The following STAP1 variants were observed in gnomAD, a reference collection of about 807,000 sequenced individuals.
STAP1 encodes signal-transducing adaptor protein 1.
Under a neutral mutation model 37.8 loss-of-function variants are expected in STAP1, and 30 were observed. That is an observed-to-expected ratio of 0.79 (90% CI 0.59 to 1.08). The LOEUF is 1.08. Ranked by LOEUF, STAP1 falls within the 50% of genes least tolerant of loss-of-function variation. The probability of loss-of-function intolerance (pLI) is 0.00; values close to 1 mark genes in which losing one functional copy is unlikely to be tolerated. For missense variants in STAP1, 357 were observed against 349.4 expected, an observed-to-expected ratio of 1.02 and a Z score of -0.17; for synonymous variants, 130 against 116.0, an observed-to-expected ratio of 1.12 and a Z score of -0.78.
chr4:67,567,112 G>T (rs1177750737), intron 1 of STAP1, among the ~76,000 whole-genome samples: 3 of 152,162 alleles, frequency 2.0e-5, no homozygotes, highest in Non-Finnish European at 4.4e-5. Flanking sequence ...AAAAGACTTT[G>T]GATGGGGTTG....
chr4:67,578,559 C>T (rs1377973068), intron 4 of STAP1, among the ~76,000 whole-genome samples: 2 of 152,136 alleles, frequency 1.3e-5, no homozygotes, highest in African/African-American at 4.8e-5. Flanking sequence ...GAATTGCACT[C>T]TTTCCCTCTG....
intron 4 of STAP1, among the ~76,000 whole-genome samples, chr4:67,577,872 C>T (rs1727761578): frequency 6.6e-6 from 1 of 152,098 alleles, no homozygotes; most frequent in South Asian, 2.1e-4. Flanking sequence ...TGGTTTGGAA[C>T]TCCTGGCCTC....
chr4:67,581,667 C>T (rs146056375), intron 5 of STAP1, among the ~76,000 whole-genome samples, 196 bp downstream of exon 5: 4 of 152,220 alleles, frequency 2.6e-5, no homozygotes, highest in Non-Finnish European at 4.4e-5. Flanking sequence ...AACCAACCAT[C>T]TTACCACACA....
At position 67,599,497 on chromosome 4, in the gene STAP1, A is replaced by G. The variant is rs1728293940; in HGVS notation, c.826+6141A>G. ...TCAATTTTCCAATTTATTGGCATAT[A>G]GTTGCTCATAGTAGTCTCTAATTAT... On this transcript the variant is annotated intron_variant, in intron 8 of 8. Transcript: ENST00000265404. 2.6e-5 allele frequency among the ~76,000 whole-genome samples: 4 copies of G among 152,264 alleles called. No individual in the cohort carries two copies. The South Asian group carries it at 8.3e-4, about 32-fold the overall frequency.
At chr4:67,589,623 G>A (rs756127218) in intron 6 of STAP1, among the ~76,000 whole-genome samples, 3 of 152,174 alleles carry the variant, frequency 2.0e-5, no homozygotes, top group Non-Finnish European at 4.4e-5. Context: ...AAATGACAAT[G>A]TAATAAATGC....
intron 8 of STAP1, among the ~76,000 whole-genome samples, chr4:67,597,078 C>T (rs1399949257): frequency 1.3e-5 from 2 of 152,158 alleles, no homozygotes; most frequent in Non-Finnish European, 2.9e-5. Flanking sequence ...GGCCTGGAGG[C>T]CTAGGAGGGA....
intron 8 of STAP1, among the ~76,000 whole-genome samples, chr4:67,601,497 A>G (rs939347428): frequency 6.6e-5 from 10 of 152,162 alleles, no homozygotes; most frequent in Admixed American, 6.5e-4. Context: ...GTCCTTTTCT[A>G]TCAGATTGAA....
chr4:67,576,135 C>T (rs767470829), intron 3 of STAP1, among the ~76,000 whole-genome samples: 13 of 152,064 alleles, frequency 8.5e-5, no homozygotes, highest in Non-Finnish European at 1.6e-4. Flanking sequence ...TTTCTTCACC[C>T]GGAAGTAAGT....
chr4:67,563,007 T>C (rs1256595002), intron 1 of STAP1, among the ~76,000 whole-genome samples: 1 of 152,164 alleles, frequency 6.6e-6, no homozygotes, highest in Non-Finnish European at 1.5e-5. Flanking sequence ...TAAATGTACT[T>C]TACTTGCGCA....
At chr4:67,578,031 C>T (rs1438629737) in intron 4 of STAP1, among the ~76,000 whole-genome samples, 1 of 152,098 alleles carries the variant, frequency 6.6e-6, no homozygotes, top group Non-Finnish European at 1.5e-5. Context: ...GACAATGTAA[C>T]AGGGAGAGAC....
chr4:67,570,797 G>A (rs999736409), intron 1 of STAP1, among the ~76,000 whole-genome samples: 2 of 152,160 alleles, frequency 1.3e-5, no homozygotes, highest in Non-Finnish European at 2.9e-5. Context: ...AGGTATGGTG[G>A]CATATGCCTG....
chr4:67,581,691 C>T (rs72848540), intron 5 of STAP1, among the ~76,000 whole-genome samples: 184 of 152,306 alleles, frequency 1.2e-3, no homozygotes, highest in African/African-American at 4.3e-3. Flanking sequence ...AATCCCCTTC[C>T]ACCCACATCT....
chr4:67,591,202 A>G (rs1243031873), intron 7 of STAP1, among the ~76,000 whole-genome samples: 1 of 152,216 alleles, frequency 6.6e-6, no homozygotes, highest in Non-Finnish European at 1.5e-5. Context: ...ATTCAGAGAA[A>G]GAAAGATACT....
chr4:67,583,454 C>T (rs955798622), intron 5 of STAP1, 120 bp from the exon 6 acceptor site: 9 of 1,025,574 alleles, frequency 8.8e-6, no homozygotes, highest in South Asian at 7.1e-5. Flanking sequence ...ATAATCAAAC[C>T]GGAAGTTTTA....
chr4:67,575,139 T>C lies in STAP1; in HGVS notation c.193-246T>C, dbSNP rs541277787. On this transcript the variant is annotated intron_variant, in intron 2 of 8. Coordinates refer to ENST00000265404, the MANE Select transcript of STAP1 (RefSeq NM_012108.4). Reference sequence around the variant, plus strand: ...ATAATTCGATTTTTAAAATAATGGCTGTGTTTAACAACTTGCTTGCAAAAT... The same window carrying C: ...ATAATTCGATTTTTAAAATAATGGCCGTGTTTAACAACTTGCTTGCAAAAT... 2.0e-5 allele frequency among the ~76,000 whole-genome samples: 3 copies of C among 152,332 alleles called. No individual in the cohort carries two copies. The South Asian group carries it at 6.2e-4, about 32-fold the overall frequency.
chr4:67,567,338 G>A (rs2109855435), intron 1 of STAP1, among the ~76,000 whole-genome samples: 1 of 150,704 alleles, frequency 6.6e-6, no homozygotes, highest in Non-Finnish European at 1.5e-5. Context: ...GCATCAGCAG[G>A]TTCATTGCAT....
At chr4:67,564,854 A>C (rs1727431292) in intron 1 of STAP1, among the ~76,000 whole-genome samples, 1 of 152,196 alleles carries the variant, frequency 6.6e-6, no homozygotes, top group African/African-American at 2.4e-5. Flanking sequence ...CAGAGGTTTC[A>C]GTGAGCAGAG....
intron 8 of STAP1, among the ~76,000 whole-genome samples, chr4:67,597,519 C>T (rs1728252167): frequency 6.6e-6 from 1 of 152,154 alleles, no homozygotes; most frequent in Non-Finnish European, 1.5e-5. Context: ...GTAGATCCAC[C>T]CACAGCTTGC....
rs1463544737 is a variant in STAP1, at chr4:67,562,704, G to A, written c.120+3775G>A. 4.0e-5 allele frequency among the ~76,000 whole-genome samples: 6 copies of A among 151,860 alleles called. No homozygotes were observed. The East Asian group carries it at 1.2e-3, about 29-fold the overall frequency. The stretch of plus-strand genomic sequence containing the variant: ...GGAGAATGGCGTGAACCCAGGAGGC[G>A]GAGCTTGCAGGGAGCGGAGATTGCG... On this transcript the variant is annotated intron_variant, in intron 1 of 8. Transcript: ENST00000265404.
Sources: gnomAD v4.1 joint callset for allele counts (sites outside exome capture counted in the v4.1 genomes callset) on GRCh38, gnomAD v4.1.1 for gene constraint, MANE v1.5 for transcripts, NCBI Gene and HGNC (gene_info 2026-07-23, HGNC 2026-07-21) for gene names.